Variants in DNAJC13 observed in about 807,000 individuals in gnomAD.
The protein encoded by DNAJC13 is DnaJ heat shock protein family (Hsp40) member C13, also known as dnaJ homolog subfamily C member 13.
In DNAJC13, 75 loss-of-function variants were observed where a neutral mutation model predicts 290.5. The ratio of observed to expected loss-of-function variants is 0.26; its 90% CI spans 0.21 to 0.31. The LOEUF (loss-of-function observed/expected upper bound fraction) is 0.31. DNAJC13 is among the 10% of genes least tolerant of loss of function. DNAJC13 has a pLI of 1.00. For missense variants in DNAJC13, 2,260 were observed against 2,674.5 expected (o/e 0.85, Z 3.42); for synonymous variants, 862 against 892.0 (o/e 0.97, Z 0.60).
intron 1 of DNAJC13, among the ~76,000 whole-genome samples, chr3:132,428,951 T>G (rs1328998478): frequency 6.6e-6 from 1 of 152,068 alleles, no homozygotes. Context: ...GCCAGGCTGG[T>G]CTCAAACTCC....
At position 132,458,297 on chromosome 3, in the gene DNAJC13, A is replaced by C. The variant is rs374967124; in HGVS notation, c.1449+929A>C. On this transcript the variant is annotated intron_variant, in intron 13 of 55. Coordinates refer to ENST00000260818, the MANE Select transcript of DNAJC13 (RefSeq NM_015268.4). ...TTCCTTATATAAAGTGTTTTAGGCA[A>C]GCTTAGTCGTACATAAACATAAGTA... 3.9e-4 allele frequency: 60 copies of C among 152,332 alleles called. No individual in the cohort carries two copies. The East Asian group carries it at 6.7e-3, about 17-fold the overall frequency. 9.4% of individuals were successfully genotyped at this position (152,332 alleles called of 1,614,324 possible).
intron 48 of DNAJC13, among the ~76,000 whole-genome samples, chr3:132,522,531 C>T (rs150923479): frequency 6.2e-4 from 95 of 152,224 alleles, no homozygotes; most frequent in African/African-American, 2.2e-3. Context: ...GGAACTTTAC[C>T]ATACTAGTGA....
chr3:132,479,548 C>T (rs1934597225), intron 25 of DNAJC13, among the ~76,000 whole-genome samples: 1 of 152,028 alleles, frequency 6.6e-6, no homozygotes, highest in Non-Finnish European at 1.5e-5. Flanking sequence ...ACTTTTAATA[C>T]ATTAAAATGA....
At chr3:132,526,064 A>T in intron 52 of DNAJC13, 77 bp from the exon 53 acceptor site, 4 of 1,526,462 alleles carry the variant, frequency 2.6e-6, no homozygotes, top group Admixed American at 4.2e-5. Context: ...TTACTTATTT[A>T]CTTATTTTGT....
intron 51 of DNAJC13, among the ~76,000 whole-genome samples, chr3:132,524,769 T>G (rs1199213848): frequency 6.6e-6 from 1 of 152,220 alleles, no homozygotes; most frequent in African/African-American, 2.4e-5. Context: ...CACCTTTCTT[T>G]TTGGACACAT....
At chr3:132,448,242 G>C (rs1933316709) in intron 5 of DNAJC13, among the ~76,000 whole-genome samples, 2 of 152,194 alleles carry the variant, frequency 1.3e-5, no homozygotes, top group Admixed American at 6.5e-5. Context: ...AGTAATACCA[G>C]AGAACGTCAT....
intron 32 of DNAJC13, 139 bp from the exon 33 acceptor site, chr3:132,492,275 T>G: frequency 1.0e-6 from 1 of 959,108 alleles, no homozygotes; most frequent in Non-Finnish European, 1.6e-6. Context: ...AAGTACCATA[T>G]TTAAAAGCTC....
At position 132,511,160 on chromosome 3, in the gene DNAJC13, G is replaced by A; in HGVS notation, c.5209G>A (p.Val1737Met). The A allele has an allele frequency of 6.2e-7, 1 of 1,613,954 alleles. No individual in the cohort carries two copies. The highest frequency in any genetic ancestry group is 8.5e-7 in the Non-Finnish European group (1 of 1,179,934). Residue 1737 changes from valine (V) to methionine (M), a missense_variant, in exon 44 of 56, where the codon GTG becomes ATG. Physicochemically the swap from Val to Met is conservative, Grantham distance 21 (BLOSUM62 1). This residue lies in a region of DNAJC13 where 1,494 missense variants were observed against 1,693.7 expected (regional missense o/e 0.88). Transcript: ENST00000260818. Reference sequence around the variant, plus strand: ...CATGGCCATCACACACGCGGCAAAAGTGGAGTCAGAGCAACATGGAGATCG... The same window carrying A: ...CATGGCCATCACACACGCGGCAAAAATGGAGTCAGAGCAACATGGAGATCG... ...TFMAITHAAK[V>M]ESEQHGDRLP...
In DNAJC13 at chr3:132,482,296, A is replaced by T; in HGVS notation, c.2945A>T (p.Asp982Val). ...AAGGAATGGTATTTTGGCAACGCAG[A>T]CAAAGAAAGGAGTGGCCCGTATGGA... is the stretch of plus-strand genomic sequence containing the variant. Reference protein sequence around the residue: ...SEKEWYFGNADKERSGPYGFH... With the variant: ...SEKEWYFGNAVKERSGPYGFH... Residue 982 changes from aspartate (D) to valine (V), a missense_variant, in exon 27 of 56, where the codon GAC becomes GTC. Asp to Val is a radical substitution (Grantham distance 152). Around this residue, in one of 3 missense-constraint regions of DNAJC13, gnomAD observed 1,494 missense variants for 1,693.7 expected, o/e 0.88. Transcript: ENST00000260818. The T allele has an allele frequency of 3.1e-6, 5 of 1,613,892 alleles. No homozygotes were observed. Among genetic ancestry groups the T allele is most frequent in the Non-Finnish European group, 4.2e-6 (5 of 1,179,808 alleles).
Position 132,499,795 on chromosome 3 carries a change from A to G in DNAJC13, c.4403A>G (p.Asp1468Gly). ...TTGACTCGTGCTAGTAAACCAAGTGACATGTCAGTACAGGTGAGGCTAAAA... is the reference window on the plus strand; with the variant it reads ...TTGACTCGTGCTAGTAAACCAAGTGGCATGTCAGTACAGGTGAGGCTAAAA... ...AVLTRASKPSDMSVQVCGYIS... is the reference protein window; with the variant it reads ...AVLTRASKPSGMSVQVCGYIS... The change falls in exon 38 of 56, where the codon GAC becomes GGC. Residue 1468 changes from aspartate (D) to glycine (G), a missense_variant. Asp to Gly is a moderately conservative substitution (Grantham distance 94, BLOSUM62 -1). Coordinates refer to ENST00000260818, the MANE Select transcript of DNAJC13 (RefSeq NM_015268.4). 3 of 1,614,052 alleles carry G rather than the reference A, an allele frequency of 1.9e-6. No individual in the cohort carries two copies. Among genetic ancestry groups the G allele is most frequent in the Non-Finnish European group, 2.5e-6 (3 of 1,179,964 alleles).
At chr3:132,429,983 T>C (rs1272924219) in intron 1 of DNAJC13, among the ~76,000 whole-genome samples, 4 of 152,218 alleles carry the variant, frequency 2.6e-5, no homozygotes, top group Non-Finnish European at 5.9e-5. Context: ...ACTGATGATA[T>C]GAACTTCTGG....
At chr3:132,492,224 CATAG>C (rs896720213) in intron 32 of DNAJC13, among the ~76,000 whole-genome samples, 186 bp from the exon 33 acceptor site, 7 of 152,026 alleles carry the variant, frequency 4.6e-5, no homozygotes, top group African/African-American at 1.2e-4. Context: ...AGATGAGTAT[CATAG>C]ATAAGTTTTT....
Position 132,456,565 on chromosome 3 carries a change from T to C in DNAJC13, c.1164T>C (p.His388=), listed in dbSNP as rs1391132467. Residue 388 remains histidine, a synonymous_variant, in exon 11 of 56, where the codon CAT becomes CAC. Transcript: ENST00000260818. ...NANISYSGVL[H]AVTQDGLFSE... is the part of the protein sequence containing the mutation. The stretch of plus-strand genomic sequence containing the variant: ...ATATTTCATACAGTGGAGTCCTACA[T>C]GCAGTAACACAAGATGTAAGCTAAG... 6.2e-7 allele frequency: 1 copy of C among 1,613,976 alleles called. No homozygotes were observed. Among genetic ancestry groups the C allele is most frequent in the Admixed American group, 1.7e-5 (1 of 60,008 alleles).
chr3:132,439,263 G>T (rs1932964871), intron 2 of DNAJC13, among the ~76,000 whole-genome samples: 1 of 152,110 alleles, frequency 6.6e-6, no homozygotes, highest in Non-Finnish European at 1.5e-5. Flanking sequence ...GTAATAACTG[G>T]ATACAGGAAA....
At chr3:132,493,134 C>T (rs949886013) in intron 33 of DNAJC13, among the ~76,000 whole-genome samples, 2 of 151,842 alleles carry the variant, frequency 1.3e-5, no homozygotes, top group African/African-American at 2.4e-5. Context: ...TTCACATAAG[C>T]ATAATTCCTG....
chr3:132,501,536 C>T (rs1448082115), intron 39 of DNAJC13, among the ~76,000 whole-genome samples: 2 of 151,214 alleles, frequency 1.3e-5, no homozygotes, highest in African/African-American at 4.9e-5. Flanking sequence ...TGCCACTACA[C>T]TCCAGACTGG....
Position 132,516,835 on chromosome 3 carries a change from C to G in DNAJC13, c.5673+19C>G. 1 of 1,562,002 alleles carries G rather than the reference C, an allele frequency of 6.4e-7. No homozygotes were observed. The highest frequency in any genetic ancestry group is 8.7e-7 in the Non-Finnish European group (1 of 1,142,964). The stretch of plus-strand genomic sequence containing the variant: ...TCCAAAGGTAGGCACAAAATAAGTT[C>G]TTGAAAGGAAATTAATTATTAAAGC... On this transcript the variant is annotated intron_variant, in intron 48 of 55. Transcript: ENST00000260818.
intron 48 of DNAJC13, 81 bp from the exon 49 acceptor site, chr3:132,522,747 C>T (rs1936128923): frequency 8.6e-7 from 1 of 1,161,138 alleles, no homozygotes; most frequent in Admixed American, 2.6e-5. Context: ...TGTTGATATT[C>T]TATCTTATTA....
At chr3:132,488,577 T>A in intron 30 of DNAJC13, 125 bp downstream of exon 30, 2 of 1,007,218 alleles carry the variant, frequency 2.0e-6, no homozygotes, top group Admixed American at 3.1e-5. Flanking sequence ...GCTATTTAAG[T>A]ACATGTCTAA....
Sources: allele counts gnomAD v4.1 joint callset (sites outside exome capture counted in the v4.1 genomes callset), GRCh38; gene constraint gnomAD v4.1.1; regional missense constraint gnomAD v4.1.1; transcripts MANE v1.5; gene names NCBI Gene and HGNC (gene_info 2026-07-23, HGNC 2026-07-21).